Variants in FER observed in about 807,000 individuals in gnomAD.
FER encodes tyrosine-protein kinase Fer.
In FER, 63 loss-of-function variants were observed where a neutral mutation model predicts 111.0. The ratio of observed to expected loss-of-function variants is 0.57; its 90% confidence interval spans 0.46 to 0.70. FER has a LOEUF of 0.70. Ranked by LOEUF, FER falls within the 30% of genes least tolerant of loss-of-function variation. FER has a pLI of 0.00. For synonymous variants in FER, 327 were observed against 313.9 expected (o/e 1.04, Z -0.44); for missense variants, 914 against 954.0 (o/e 0.96, Z 0.55).
intron 13 of FER, among the ~76,000 whole-genome samples, chr5:109,002,549 G>A (rs1389944103): frequency 6.6e-6 from 1 of 152,052 alleles, no homozygotes; most frequent in African/African-American, 2.4e-5. Flanking sequence ...TTACCATTCA[G>A]GACATAGGCA....
chr5:108,759,483 A>C (rs986370780), intron 1 of FER, among the ~76,000 whole-genome samples: 20 of 152,272 alleles, frequency 1.3e-4, no homozygotes, highest in Non-Finnish European at 2.9e-4. Flanking sequence ...TGTTATAGCA[A>C]CATGCCACTT....
chr5:108,862,856 C>T (rs1198789852), intron 5 of FER, among the ~76,000 whole-genome samples: 1 of 151,854 alleles, frequency 6.6e-6, no homozygotes, highest in Non-Finnish European at 1.5e-5. Flanking sequence ...AAAAACCAGA[C>T]TAAAAACCAA....
At chr5:108,767,009 A>G (rs1333555208) in intron 1 of FER, among the ~76,000 whole-genome samples, 1 of 152,188 alleles carries the variant, frequency 6.6e-6, no homozygotes, top group East Asian at 1.9e-4. Context: ...ACTGAAGCCT[A>G]TGAGGCAGAG....
intron 11 of FER, among the ~76,000 whole-genome samples, chr5:108,948,600 A>G (rs1490315816): frequency 6.6e-6 from 1 of 152,090 alleles, no homozygotes; most frequent in Non-Finnish European, 1.5e-5. Context: ...TATTAATTAC[A>G]TATTTTAAAA....
intron 16 of FER, among the ~76,000 whole-genome samples, chr5:109,076,227 A>G (rs755347956): frequency 4.6e-5 from 7 of 152,184 alleles, no homozygotes; most frequent in Non-Finnish European, 7.4e-5. Context: ...GTTATCTTCT[A>G]TCATGTAACA....
chr5:108,767,948 A>G (rs1015349143), intron 1 of FER, 145 bp from the exon 2 acceptor site: 2 of 152,212 alleles, frequency 1.3e-5, no homozygotes, highest in Non-Finnish European at 2.9e-5. Context: ...TAAGTTAGGT[A>G]AGTGTAGCAT....
chr5:109,101,281 T>C (rs1357117632), intron 17 of FER, among the ~76,000 whole-genome samples: 1 of 151,994 alleles, frequency 6.6e-6, no homozygotes, highest in East Asian at 1.9e-4. Flanking sequence ...CACCAGAAAC[T>C]GTGCATAATA....
At chr5:108,851,896 A>G (rs1214337172) in intron 5 of FER, among the ~76,000 whole-genome samples, 1 of 152,340 alleles carries the variant, frequency 6.6e-6, no homozygotes, top group East Asian at 1.9e-4. Flanking sequence ...CTGCTTTATC[A>G]TACATCATGT....
chr5:108,885,074 G>A (rs77491019), intron 9 of FER, among the ~76,000 whole-genome samples: 8,690 of 151,954 alleles, frequency 0.057, 348 homozygotes, highest in Non-Finnish European at 0.082. Flanking sequence ...ACGGCCCTAG[G>A]CTGTCTCACT....
chr5:109,020,087 T>C (rs1471898201), intron 13 of FER, among the ~76,000 whole-genome samples: 1 of 152,010 alleles, frequency 6.6e-6, no homozygotes, highest in African/African-American at 2.4e-5. Flanking sequence ...GATTTGACTC[T>C]TAATGATTGG....
At chr5:108,812,779 C>G (rs543128146) in intron 3 of FER, among the ~76,000 whole-genome samples, 1 of 152,110 alleles carries the variant, frequency 6.6e-6, no homozygotes, top group African/African-American at 2.4e-5. Flanking sequence ...ACATCTATAA[C>G]TTACTATAAG....
chr5:109,142,628 A>G (rs1024903814), intron 17 of FER, among the ~76,000 whole-genome samples: 1 of 152,194 alleles, frequency 6.6e-6, no homozygotes, highest in African/African-American at 2.4e-5. Context: ...ATTTATAGAG[A>G]GAGCATATAC....
intron 3 of FER, chr5:108,820,185 G>A (rs1580714236): frequency 1.0e-6 from 1 of 985,254 alleles, no homozygotes; most frequent in African/African-American, 1.7e-5. Context: ...TACTAGAGCT[G>A]GATCAACAAA....
At chr5:109,009,594 C>T (rs1470052863) in intron 13 of FER, among the ~76,000 whole-genome samples, 1 of 152,170 alleles carries the variant, frequency 6.6e-6, no homozygotes, top group African/African-American at 2.4e-5. Context: ...ATAGAATCTA[C>T]CTTCTCCCTT....
intron 2 of FER, among the ~76,000 whole-genome samples, chr5:108,781,410 T>C (rs1373679767): frequency 6.6e-6 from 1 of 152,232 alleles, no homozygotes; most frequent in Admixed American, 6.5e-5. Context: ...CAGGCTGGTC[T>C]TGAACTCCTG....
chr5:109,169,208 A>T (rs897818153), intron 17 of FER, among the ~76,000 whole-genome samples: 4 of 152,202 alleles, frequency 2.6e-5, no homozygotes, highest in Non-Finnish European at 1.5e-5. Context: ...CAAGAAAAGT[A>T]GCTATGCATA....
intron 1 of FER, among the ~76,000 whole-genome samples, chr5:108,757,436 T>C (rs1354468052): frequency 6.6e-6 from 1 of 152,172 alleles, no homozygotes; most frequent in Admixed American, 6.6e-5. Flanking sequence ...TAAAGAGGCC[T>C]GAGAAGGTGG....
intron 13 of FER, among the ~76,000 whole-genome samples, chr5:109,026,137 T>C (rs917537515): frequency 6.6e-6 from 1 of 152,176 alleles, no homozygotes; most frequent in South Asian, 2.1e-4. Context: ...ATTTTATAAG[T>C]AGGGAAATTA....
rs1759130329 is a variant in FER at position 109,188,542 on chromosome 5, A to ATC, written c.*967_*968insTC. The stretch of plus-strand genomic sequence containing the variant: ...AGAACAGAGCAGCTAAAGAATGATT[A>ATC]ACAGAGTAAAGAAGAAAGTGAAAAT... On this transcript the variant is annotated 3_prime_UTR_variant, in exon 20 of 20. Coordinates refer to ENST00000281092, the MANE Select transcript of FER (RefSeq NM_005246.4). 6.6e-6 allele frequency: 1 copy of ATC among 152,138 alleles called. No individual in the cohort carries two copies. Among genetic ancestry groups the ATC allele is most frequent in the Non-Finnish European group, 1.5e-5 (1 of 68,042 alleles). The allele number at this position is 152,138 out of a possible 1,614,324, so 9.4% of individuals were successfully genotyped here.
Sources: gnomAD v4.1 joint callset for allele counts (sites outside exome capture counted in the v4.1 genomes callset) on GRCh38, gnomAD v4.1.1 for gene constraint, MANE v1.5 for transcripts, NCBI Gene and HGNC (gene_info 2026-07-23, HGNC 2026-07-21) for gene names.